MICU1: variants seen among roughly 807,000 people sequenced by gnomAD.
MICU1 encodes the protein calcium uptake protein 1, mitochondrial.
MICU1 carries 45 observed loss-of-function variants against 56.8 expected under a neutral mutation model. The observed-to-expected ratio is 0.79, with a 90% confidence interval of 0.62 to 1.02. The LOEUF is 1.02. Ranked by LOEUF, MICU1 falls within the 50% of genes least tolerant of loss-of-function variation. The pLI is 0.00. For synonymous variants in MICU1, 186 were observed against 195.1 expected, an observed-to-expected ratio of 0.95 and a Z score of 0.39; for missense variants, 504 against 587.1, an observed-to-expected ratio of 0.86 and a Z score of 1.46.
intron 10 of MICU1, among the ~76,000 whole-genome samples, chr10:72,400,866 TACACACACACACACAC>T (rs61091649): frequency 2.8e-5 from 4 of 142,238 alleles, no homozygotes; most frequent in East Asian, 2.0e-4. Flanking sequence ...CTGGTGGTGC[TACACACACACACACAC>T]ACACACACAC....
At chr10:72,451,611 T>C (rs937364747) in intron 8 of MICU1, among the ~76,000 whole-genome samples, 4 of 152,008 alleles carry the variant, frequency 2.6e-5, no homozygotes, top group African/African-American at 9.7e-5. Context: ...GGTACCATCA[T>C]AGCTCACTGC....
intron 9 of MICU1, among the ~76,000 whole-genome samples, chr10:72,419,773 T>A (rs1037121292): frequency 6.6e-6 from 1 of 152,216 alleles, no homozygotes; most frequent in Non-Finnish European, 1.5e-5. Context: ...CTAATGACTA[T>A]GGGAACCTCT....
At position 72,475,241 on chromosome 10, in the gene MICU1, T is replaced by A; in HGVS notation, c.792A>T (p.Pro264=). 6 of 1,610,410 alleles carry A rather than the reference T, an allele frequency of 3.7e-6. No homozygotes were observed. Among genetic ancestry groups the A allele is most frequent in the Non-Finnish European group, 5.1e-6 (6 of 1,178,222 alleles). Reference sequence around the variant, plus strand: ...CAGACTTGAGGGTGTTGCCAGTAGTTGGACGATCTCTGTGGCGCATACCCA... The same window carrying A: ...CAGACTTGAGGGTGTTGCCAGTAGTAGGACGATCTCTGTGGCGCATACCCA... ...TSMGMRHRDR[P]TTGNTLKSGL... is the part of the protein sequence containing the mutation. The change falls in exon 8 of 12, where the codon CCA becomes CCT. Residue 264 remains proline (P), a synonymous_variant. Coordinates refer to ENST00000361114, the MANE Select transcript of MICU1 (RefSeq NM_001195518.2).
chr10:72,503,918 C>T (rs754651012), intron 6 of MICU1, among the ~76,000 whole-genome samples: 21 of 150,676 alleles, frequency 1.4e-4, no homozygotes, highest in Non-Finnish European at 2.4e-4. Context: ...TAGGAATATA[C>T]GTGACCAAGA....
intron 8 of MICU1, among the ~76,000 whole-genome samples, chr10:72,450,841 C>T (rs1373266026): frequency 6.6e-6 from 1 of 151,078 alleles, no homozygotes; most frequent in African/African-American, 2.4e-5. Context: ...TCTCCCGCTT[C>T]AGCCTCCCAA....
intron 11 of MICU1, among the ~76,000 whole-genome samples, chr10:72,374,797 T>A (rs990100990): frequency 2.7e-5 from 4 of 146,110 alleles, no homozygotes; most frequent in Non-Finnish European, 6.0e-5. Flanking sequence ...GGTTTTGCCA[T>A]CTACTATTAT....
At chr10:72,500,478 T>C (rs1045237238) in intron 6 of MICU1, among the ~76,000 whole-genome samples, 1 of 151,136 alleles carries the variant, frequency 6.6e-6, no homozygotes, top group Non-Finnish European at 1.5e-5. Context: ...CTCACCACCA[T>C]ACCCAGGTAA....
At chr10:72,404,954 T>G (rs1863578430) in intron 10 of MICU1, among the ~76,000 whole-genome samples, 1 of 152,224 alleles carries the variant, frequency 6.6e-6, no homozygotes, top group Non-Finnish European at 1.5e-5. Flanking sequence ...CTACCCAGTC[T>G]GGAGTGCAGT....
intron 6 of MICU1, among the ~76,000 whole-genome samples, chr10:72,499,067 A>G (rs539211702): frequency 6.6e-6 from 1 of 152,320 alleles, no homozygotes; most frequent in South Asian, 2.1e-4. Flanking sequence ...TACAAGTATG[A>G]AAGGCTAATA....
intron 1 of MICU1, among the ~76,000 whole-genome samples, chr10:72,576,263 A>G (rs1177791110): frequency 6.6e-6 from 1 of 150,936 alleles, no homozygotes; most frequent in African/African-American, 2.4e-5. Flanking sequence ...GGAATGATTA[A>G]GCTTATGAGG....
intron 6 of MICU1, among the ~76,000 whole-genome samples, chr10:72,505,322 C>T (rs1263832985): frequency 3.3e-5 from 5 of 151,920 alleles, no homozygotes; most frequent in East Asian, 3.9e-4. Context: ...GAGATGCTGA[C>T]GAGGCTGCAG....
In MICU1 at chr10:72,543,837, G is replaced by A. The variant is rs192088960; in HGVS notation, c.493+7342C>T. On this transcript the variant is annotated intron_variant, in intron 4 of 11. Coordinates refer to ENST00000361114, the MANE Select transcript of MICU1 (RefSeq NM_001195518.2). ...TGCACTCCAGCCTGGGTGACATAGCGAGACCCTGTCTCAAAAAAAAAAAAG... is the reference window on the plus strand; with the variant it reads ...TGCACTCCAGCCTGGGTGACATAGCAAGACCCTGTCTCAAAAAAAAAAAAG... Among the ~76,000 whole-genome samples the A allele has an allele frequency of 2.8e-3, 422 of 151,770 alleles. 1 individual carries two copies. The highest frequency in any genetic ancestry group is 9.6e-3 in the African/African-American group (396 of 41,380).
intron 3 of MICU1, 24 bp from the exon 4 acceptor site, chr10:72,551,365 G>A: frequency 6.3e-7 from 1 of 1,578,332 alleles, no homozygotes; most frequent in Non-Finnish European, 8.6e-7. Context: ...TTTAGAAAGT[G>A]TTACTATATT....
intron 5 of MICU1, among the ~76,000 whole-genome samples, chr10:72,517,138 T>A (rs1867671754): frequency 6.6e-6 from 1 of 152,172 alleles, no homozygotes. Flanking sequence ...AATAAATACG[T>A]CAAAATTTGG....
chr10:72,601,874 A>G (rs1328696353), intron 1 of MICU1, among the ~76,000 whole-genome samples: 2 of 150,498 alleles, frequency 1.3e-5, no homozygotes, highest in African/African-American at 4.9e-5. Flanking sequence ...ATCTCAGCTC[A>G]CTGCAACCTC....
At chr10:72,489,216 G>A (rs1866569180) in intron 6 of MICU1, among the ~76,000 whole-genome samples, 1 of 151,704 alleles carries the variant, frequency 6.6e-6, no homozygotes, top group African/African-American at 2.4e-5. Context: ...CTTAAAACCT[G>A]GGAGGCAGAG....
chr10:72,596,340 A>C (rs544372962), intron 1 of MICU1, among the ~76,000 whole-genome samples: 1 of 151,952 alleles, frequency 6.6e-6, no homozygotes, highest in Non-Finnish European at 1.5e-5. Context: ...CAGGAGACTG[A>C]GACAGGAGGA....
At chr10:72,476,628 T>A (rs1052940953) in intron 7 of MICU1, among the ~76,000 whole-genome samples, 1 of 152,230 alleles carries the variant, frequency 6.6e-6, no homozygotes, top group Non-Finnish European at 1.5e-5. Context: ...CTTTTTCCTA[T>A]ACATACAGTT....
chr10:72,509,591 G>A (rs1214682971), intron 5 of MICU1, among the ~76,000 whole-genome samples: 1 of 152,128 alleles, frequency 6.6e-6, no homozygotes, highest in Non-Finnish European at 1.5e-5. Context: ...AAAGTCCACA[G>A]GTGAATAACA....
Sources: allele counts gnomAD v4.1 joint callset (sites outside exome capture counted in the v4.1 genomes callset), GRCh38; gene constraint gnomAD v4.1.1; transcripts MANE v1.5; gene names NCBI Gene and HGNC (gene_info 2026-07-23, HGNC 2026-07-21).